The following KPNA4 variants were observed in gnomAD, a reference collection of about 807,000 sequenced individuals.
KPNA4 encodes importin subunit alpha-3.
A neutral mutation model predicts 71.3 loss-of-function variants in KPNA4; 13 were observed. That is an observed-to-expected ratio of 0.18 (90% CI 0.12 to 0.29). KPNA4 has a LOEUF of 0.29. Among genes scored for constraint, KPNA4 ranks in the 10% least tolerant of loss-of-function variants. The probability of loss-of-function intolerance (pLI) is 1.00; values close to 1 mark genes in which losing one functional copy is unlikely to be tolerated. For synonymous variants in KPNA4, 189 were observed against 195.2 expected (o/e 0.97, Z 0.26); for missense variants, 334 against 603.2 (o/e 0.55, Z 4.67).
chr3:160,546,868 A>G (rs1259311239), intron 1 of KPNA4, among the ~76,000 whole-genome samples: 2 of 152,230 alleles, frequency 1.3e-5, no homozygotes, highest in African/African-American at 4.8e-5. Flanking sequence ...TTACAAAACT[A>G]AAACTGAGCC....
chr3:160,531,943 C>A (rs937445795), intron 5 of KPNA4, among the ~76,000 whole-genome samples: 3 of 152,152 alleles, frequency 2.0e-5, no homozygotes, highest in Non-Finnish European at 4.4e-5. Flanking sequence ...CAGGCGTGCG[C>A]CACCACACCC....
At chr3:160,553,736 G>A (rs528809934) in intron 1 of KPNA4, among the ~76,000 whole-genome samples, 3 of 152,302 alleles carry the variant, frequency 2.0e-5, no homozygotes, top group East Asian at 1.9e-4. Context: ...GGCAAATAAC[G>A]AAAGAGATGC....
intron 1 of KPNA4, among the ~76,000 whole-genome samples, chr3:160,541,811 A>T (rs1721804805): frequency 6.6e-6 from 1 of 152,128 alleles, no homozygotes; most frequent in Admixed American, 6.5e-5. Flanking sequence ...GACACTGCAT[A>T]TCTATGCCCT....
rs1381100542 is a variant in KPNA4, at chr3:160,498,842, T to G, written c.*3262A>C. 2 of 152,214 alleles carry G rather than the reference T, an allele frequency of 1.3e-5. No homozygotes were observed. Among genetic ancestry groups the G allele is most frequent in the East Asian group, 3.9e-4 (2 of 5,194 alleles). The allele number at this position is 152,214 out of a possible 1,614,324, so 9.4% of individuals were successfully genotyped here. A position where few individuals can be genotyped will look rare whatever the true frequency, so the allele number is the denominator to read the frequency against. On this transcript the variant is annotated 3_prime_UTR_variant, in exon 17 of 17. Transcript: ENST00000334256. The stretch of plus-strand genomic sequence containing the variant: ...CCTACAGAAATTGTGAAATAATGTA[T>G]GTTGTGTTTTAAGACACTAAATTTA...
chr3:160,552,207 ATTTTT>A (rs1722054198), intron 1 of KPNA4, among the ~76,000 whole-genome samples: 2 of 152,280 alleles, frequency 1.3e-5, no homozygotes, highest in East Asian at 3.9e-4. Context: ...ATGGAAGATT[ATTTTT>A]ATTTTTCCAA....
intron 5 of KPNA4, among the ~76,000 whole-genome samples, chr3:160,533,136 A>G (rs1721606830): frequency 6.6e-6 from 1 of 151,766 alleles, no homozygotes; most frequent in Non-Finnish European, 1.5e-5. Flanking sequence ...CAATTCTCCC[A>G]CCTCAGCCTC....
At chr3:160,522,975 T>C (rs1721385760) in intron 10 of KPNA4, among the ~76,000 whole-genome samples, 1 of 152,138 alleles carries the variant, frequency 6.6e-6, no homozygotes, top group South Asian at 2.1e-4. Flanking sequence ...AGGCCATGTG[T>C]TTGATCTTTC....
chr3:160,507,222 G>C (rs940081049), intron 15 of KPNA4, among the ~76,000 whole-genome samples: 1 of 152,104 alleles, frequency 6.6e-6, no homozygotes, highest in African/African-American at 2.4e-5. Context: ...CAGGAGGTCG[G>C]GCGCAGTTGC....
intron 11 of KPNA4, among the ~76,000 whole-genome samples, chr3:160,519,163 G>A (rs1036735961): frequency 6.6e-6 from 1 of 152,154 alleles, no homozygotes; most frequent in African/African-American, 2.4e-5. Flanking sequence ...AGACAAACTT[G>A]GGAAGCACGG....
intron 1 of KPNA4, among the ~76,000 whole-genome samples, chr3:160,554,924 T>C (rs1722107680): frequency 6.6e-6 from 1 of 152,234 alleles, no homozygotes; most frequent in African/African-American, 2.4e-5. Flanking sequence ...CCCTGAGTTC[T>C]GTGAGCCATT....
rs1720895722 is a variant in KPNA4, at chr3:160,502,099, T to C, written c.*5A>G. On this transcript the variant is annotated 3_prime_UTR_variant, in exon 17 of 17. Transcript: ENST00000334256. ...TGCATTGTACCTAACTTCCACAACATCTTTCTAAAACTGGAACCCTTCTGT... is the reference window on the plus strand; with the variant it reads ...TGCATTGTACCTAACTTCCACAACACCTTTCTAAAACTGGAACCCTTCTGT... The C allele has an allele frequency of 5.2e-6, 8 of 1,536,588 alleles. No homozygotes were observed. The East Asian group carries it at 1.8e-4, about 35-fold the overall frequency.
At position 160,565,196 on chromosome 3, in the gene KPNA4, C is replaced by T; in HGVS notation, c.69+18G>A. The T allele has an allele frequency of 6.3e-7, 1 of 1,596,818 alleles. No individual in the cohort carries two copies. The highest frequency in any genetic ancestry group is 8.5e-7 in the Non-Finnish European group (1 of 1,170,064). ...AGGCCCACAGCCCCCACCCCTCCGG[C>T]GTCGTCCCCGAGTTTACCTCCAAGT... On this transcript the variant is annotated intron_variant, in intron 1 of 16. Transcript: ENST00000334256.
chr3:160,539,998 C>CTTTTTTTTTT (rs376611861), intron 1 of KPNA4, among the ~76,000 whole-genome samples: 1 of 129,330 alleles, frequency 7.7e-6, no homozygotes, highest in African/African-American at 2.9e-5. Context: ...TTTTTCTTTT[C>CTTTTTTTTTT]TTTTTTTTTT....
At chr3:160,526,344 T>C (rs1376246699) in intron 8 of KPNA4, among the ~76,000 whole-genome samples, 1 of 152,240 alleles carries the variant, frequency 6.6e-6, no homozygotes, top group Non-Finnish European at 1.5e-5. Flanking sequence ...GCTCACTTAA[T>C]TAAACTGCTG....
intron 5 of KPNA4, among the ~76,000 whole-genome samples, chr3:160,534,455 C>A (rs934522343): frequency 3.3e-5 from 5 of 152,042 alleles, no homozygotes; most frequent in Admixed American, 3.3e-4. Context: ...TATGGTGGTT[C>A]ACGCCTGTAA....
chr3:160,501,609 A>T lies in KPNA4; in HGVS notation c.*495T>A, dbSNP rs1720883923. 6.6e-6 allele frequency: 1 copy of T among 152,652 alleles called. No homozygotes were observed. Among genetic ancestry groups the T allele is most frequent in the Admixed American group, 6.5e-5 (1 of 15,284 alleles). The allele number at this position is 152,652 out of a possible 1,614,324, so 9.5% of individuals were successfully genotyped here. A position where few individuals can be genotyped will look rare whatever the true frequency, so the allele number is the denominator to read the frequency against. ...TCAAAGATGAACCTGGCTCTCCATC[A>T]CTGAGCCAGACATTCATTCAACATT... On this transcript the variant is annotated 3_prime_UTR_variant, in exon 17 of 17. Coordinates refer to ENST00000334256, the MANE Select transcript of KPNA4 (RefSeq NM_002268.5).
rs1721193072 is a variant in KPNA4, at chr3:160,515,512, G to A, written c.972C>T (p.Asn324=). The stretch of plus-strand genomic sequence containing the variant: ...CTGGGAAGTGTGAAAGAGCATCACA[G>A]TTCAAAACTACTTGTGTTTGCTCAT... The part of the protein sequence containing the change: ...GTDEQTQVVL[N]CDALSHFPAL... Residue 324 remains asparagine, a synonymous_variant, in exon 12 of 17, where the codon AAC becomes AAT. Transcript: ENST00000334256. The A allele has an allele frequency of 6.2e-7, 1 of 1,613,584 alleles. No individual in the cohort carries two copies. Among genetic ancestry groups the A allele is most frequent in the South Asian group, 1.1e-5 (1 of 91,074 alleles).
In KPNA4 at chr3:160,565,544, G is replaced by T. The variant is rs998276369; in HGVS notation, c.-262C>A. Reference sequence around the variant, plus strand: ...CGGCAAGGCGACGGAATGTGCTGCCGGCTGAGAGGGGGAGGCAGCCTCGAT... The same window carrying T: ...CGGCAAGGCGACGGAATGTGCTGCCTGCTGAGAGGGGGAGGCAGCCTCGAT... On this transcript the variant is annotated 5_prime_UTR_variant, in exon 1 of 17. Coordinates refer to ENST00000334256, the MANE Select transcript of KPNA4 (RefSeq NM_002268.5). The T allele has an allele frequency of 1.1e-5, 6 of 531,348 alleles. No homozygotes were observed. The highest frequency in any genetic ancestry group is 1.0e-4 in the African/African-American group (5 of 49,102). The allele number at this position is 531,348 out of a possible 1,614,324, so 32.9% of individuals were successfully genotyped here. A position where few individuals can be genotyped will look rare whatever the true frequency, so the allele number is the denominator to read the frequency against.
At chr3:160,558,140 G>A (rs893757309) in intron 1 of KPNA4, among the ~76,000 whole-genome samples, 1 of 152,166 alleles carries the variant, frequency 6.6e-6, no homozygotes, top group Admixed American at 6.5e-5. Flanking sequence ...TCTACATAAA[G>A]CATTTAGTAA....
Sources: gnomAD v4.1 joint callset for allele counts (sites outside exome capture counted in the v4.1 genomes callset) on GRCh38, gnomAD v4.1.1 for gene constraint, MANE v1.5 for transcripts, NCBI Gene and HGNC (gene_info 2026-07-23, HGNC 2026-07-21) for gene names.